The following SON variants were observed in gnomAD, a reference collection of about 807,000 sequenced individuals.
The protein encoded by SON is protein SON.
A neutral mutation model predicts 173.3 loss-of-function variants in SON; 4 were observed. The observed-to-expected ratio is 0.02, with a 90% CI of 0.01 to 0.05. The LOEUF (loss-of-function observed/expected upper bound fraction) is 0.05. Ranked by LOEUF, SON falls within the 10% of genes least tolerant of loss-of-function variation. SON has a pLI of 1.00. For missense variants in SON, 2,626 were observed against 3,055.3 expected, an observed-to-expected ratio of 0.86 and a Z score of 3.31; for synonymous variants, 1,190 against 1,105.9, an observed-to-expected ratio of 1.08 and a Z score of -1.51.
At position 33,553,804 on chromosome 21, in the gene SON, G is replaced by C; in HGVS notation, c.4573G>C (p.Glu1525Gln). Residue 1525 changes from glutamate (E) to glutamine (Q), a missense_variant, in exon 3 of 12, where the codon GAA (glutamate) becomes CAA (glutamine). Physicochemically the swap from Glu to Gln is conservative, Grantham distance 29. Coordinates refer to ENST00000356577, the MANE Select transcript of SON (RefSeq NM_138927.4). ...AEEHLKGDFYESEHGINIDLN... is the reference protein window; with the variant it reads ...AEEHLKGDFYQSEHGINIDLN... ...GGAACACCTGAAAGGTGACTTTTAC[G>C]AAAGTGAACATGGTATAAATATAGA... is the stretch of plus-strand genomic sequence containing the variant. 1.2e-6 allele frequency: 2 copies of C among 1,614,006 alleles called. No homozygotes were observed. The highest frequency in any genetic ancestry group is 1.7e-6 in the Non-Finnish European group (2 of 1,179,964).
rs143709811 is a variant in SON at position 33,551,441 on chromosome 21, C to T, written c.2210C>T (p.Ala737Val). The T allele has an allele frequency of 3.0e-5, 48 of 1,614,090 alleles. No homozygotes were observed. The African/African-American group carries it at 3.2e-4, about 11-fold the overall frequency. Residue 737 changes from alanine to valine, a missense_variant, in exon 3 of 12, where the codon GCG becomes GTG. By Grantham distance (64) the Ala-to-Val change is moderately conservative. Around this residue, in one of 13 missense-constraint regions of SON, gnomAD observed 182 missense variants for 193.6 expected, o/e 0.94. Coordinates refer to ENST00000356577, the MANE Select transcript of SON (RefSeq NM_138927.4). ...AACACCATGGACTCCCAAATGCTAG[C>T]GTCCAACACCATGGACTCCCAGATG... ...ASNTMDSQML[A>V]SNTMDSQMLA... is the part of the protein sequence containing the mutation.
intron 6 of SON, among the ~76,000 whole-genome samples, chr21:33,566,319 TAAC>T (rs750228018): frequency 6.6e-5 from 10 of 151,976 alleles, no homozygotes; most frequent in Non-Finnish European, 1.2e-4. Context: ...ACAAAAAAAA[TAAC>T]AAATACTTAT....
chr21:33,545,867 T>A (rs1469799186), intron 1 of SON, among the ~76,000 whole-genome samples: 1 of 152,234 alleles, frequency 6.6e-6, no homozygotes, highest in Non-Finnish European at 1.5e-5. Context: ...TGTTTTTCTT[T>A]TGATTTGTGA....
At chr21:33,563,419 G>A (rs1187666220) in intron 6 of SON, among the ~76,000 whole-genome samples, 1 of 95,696 alleles carries the variant, frequency 1.0e-5, no homozygotes, top group African/African-American at 2.7e-5. Flanking sequence ...TTTAATATTT[G>A]CTAAATATTC....
intron 6 of SON, among the ~76,000 whole-genome samples, chr21:33,564,814 C>CT (rs1252866364): frequency 1.4e-5 from 2 of 141,514 alleles, no homozygotes; most frequent in African/African-American, 5.4e-5. Context: ...TGAGCCAAGA[C>CT]TGTGCCATTG....
Position 33,552,813 on chromosome 21 carries a change from T to C in SON, c.3582T>C (p.Thr1194=). 1.9e-6 allele frequency: 3 copies of C among 1,613,860 alleles called. No individual in the cohort carries two copies. Among genetic ancestry groups the C allele is most frequent in the Non-Finnish European group, 1.7e-6 (2 of 1,179,938 alleles). Residue 1194 remains threonine (T), a synonymous_variant, in exon 3 of 12, where the codon ACT becomes ACC. Coordinates refer to ENST00000356577, the MANE Select transcript of SON (RefSeq NM_138927.4). This position sits in a 1 kb window ranked among gnomAD's most constrained non-coding sequence, Gnocchi z 5.6. The part of the protein sequence containing the change: ...TEQSALTAEN[T]WPTEVPSSPS... Reference sequence around the variant, plus strand: ...AGTCAGCATTAACAGCTGAAAATACTTGGCCTACAGAGGTGCCATCATCAC... The same window carrying C: ...AGTCAGCATTAACAGCTGAAAATACCTGGCCTACAGAGGTGCCATCATCAC...
Position 33,564,389 on chromosome 21 carries a change from G to T in SON, c.6658-2768G>T, listed in dbSNP as rs188193310. 3.0e-3 allele frequency among the ~76,000 whole-genome samples: 452 copies of T among 152,168 alleles called. 1 individual carries two copies. Among genetic ancestry groups the T allele is most frequent in the Non-Finnish European group, 3.2e-3 (220 of 68,008 alleles). Reference sequence around the variant, plus strand: ...TGTTTCAATACTGATAAGTAACATCGGGTTTGACCCTTAAACATTGCTGCT... The same window carrying T: ...TGTTTCAATACTGATAAGTAACATCTGGTTTGACCCTTAAACATTGCTGCT... On this transcript the variant is annotated intron_variant, in intron 6 of 11. Coordinates refer to ENST00000356577, the MANE Select transcript of SON (RefSeq NM_138927.4).
Position 33,554,914 on chromosome 21 carries a change from C to A in SON, c.5683C>A (p.Pro1895Thr). Residue 1895 changes from proline to threonine, a missense_variant, in exon 3 of 12, where the codon CCA (proline) becomes ACA (threonine). Transcript: ENST00000356577. ...ATCAAAAGAGAAGCGCAAAAGATCT[C>A]CAAAGCACAGATCCAAGTCTAGGGA... The part of the protein sequence containing the change: ...SVSKEKRKRS[P>T]KHRSKSRERK... 1.2e-6 allele frequency: 2 copies of A among 1,614,036 alleles called. No homozygotes were observed. The highest frequency in any genetic ancestry group is 1.7e-6 in the Non-Finnish European group (2 of 1,179,992).
At position 33,555,038 on chromosome 21, in the gene SON, G is replaced by A. The variant is rs555194701; in HGVS notation, c.5807G>A (p.Arg1936His). 5 of 1,612,950 alleles carry A rather than the reference G, an allele frequency of 3.1e-6. No individual in the cohort carries two copies. Among genetic ancestry groups the A allele is most frequent in the African/African-American group, 1.3e-5 (1 of 75,012 alleles). ...CGGAGTCGGAGTCATACTCCAAGTC[G>A]TCGACGAAGGTCTAGATCTGTGGGT... ...SRRSRSHTPS[R>H]RRRSRSVGRR... Residue 1936 changes from arginine (R) to histidine (H), a missense_variant, in exon 3 of 12, where the codon CGT becomes CAT. Transcript: ENST00000356577.
chr21:33,546,061 G>T, intron 1 of SON, 152 bp from the exon 2 acceptor site: 2 of 567,114 alleles, frequency 3.5e-6, no homozygotes, highest in Non-Finnish European at 5.9e-6. Flanking sequence ...AGTAGATCAT[G>T]GTAAGAAGCA....
intron 6 of SON, among the ~76,000 whole-genome samples, chr21:33,561,233 AT>A (rs1232698267): frequency 6.6e-6 from 1 of 152,190 alleles, no homozygotes; most frequent in Non-Finnish European, 1.5e-5. Flanking sequence ...TTTGGATAAT[AT>A]TTTAGTGAGA....
chr21:33,567,475 G>A, intron 7 of SON: 1 of 544,132 alleles, frequency 1.8e-6, no homozygotes, highest in Admixed American at 3.1e-5. Flanking sequence ...CTATGTGGCA[G>A]GAACTGTTTC....
Position 33,554,282 on chromosome 21 carries a change from C to G in SON, c.5051C>G (p.Pro1684Arg). 1.2e-6 allele frequency: 2 copies of G among 1,614,110 alleles called. No homozygotes were observed. Among genetic ancestry groups the G allele is most frequent in the South Asian group, 1.1e-5 (1 of 91,080 alleles). Residue 1684 changes from proline (P) to arginine (R), a missense_variant, in exon 3 of 12, where the codon CCT (proline) becomes CGT (arginine). This residue lies in a region of SON where 1,006 missense variants were observed against 895.6 expected (regional missense o/e 1.12). Coordinates refer to ENST00000356577, the MANE Select transcript of SON (RefSeq NM_138927.4). The stretch of plus-strand genomic sequence containing the variant: ...AGTAAGGATACAGAAGAACCATTAC[C>G]TGTAAAAGAGAGTGACCAGACATTA... The part of the protein sequence containing the change: ...LVSKDTEEPL[P>R]VKESDQTLAA...
chr21:33,567,781 T>C (rs1318226571), intron 7 of SON, among the ~76,000 whole-genome samples: 2 of 152,002 alleles, frequency 1.3e-5, no homozygotes, highest in South Asian at 2.1e-4. Context: ...GGTTTGGTGT[T>C]GCATGCCTGT....
Position 33,549,492 on chromosome 21 carries a change from C to A in SON, c.261C>A (p.Ser87=). 1 of 1,531,896 alleles carries A rather than the reference C, an allele frequency of 6.5e-7. No individual in the cohort carries two copies. The highest frequency in any genetic ancestry group is 1.3e-5 in the South Asian group (1 of 75,528). The allele number at this position is 1,531,896 out of a possible 1,614,324, so 94.9% of individuals were successfully genotyped here. A position where few individuals can be genotyped will look rare whatever the true frequency, so the allele number is the denominator to read the frequency against. The change falls in exon 3 of 12, where the codon TCC becomes TCA. Residue 87 remains serine, a synonymous_variant. Coordinates refer to ENST00000356577, the MANE Select transcript of SON (RefSeq NM_138927.4). ...LRYKPDLKEG[S]RKSRCVSVQT... is the part of the protein sequence containing the mutation. The stretch of plus-strand genomic sequence containing the variant: ...TACTTTTAGACTTGAAAGAGGGCTC[C>A]AGAAAAAGTAGATGCGTATCTGTAC...
chr21:33,566,910 T>C (rs1037793948), intron 6 of SON, among the ~76,000 whole-genome samples: 1 of 152,142 alleles, frequency 6.6e-6, no homozygotes, highest in Non-Finnish European at 1.5e-5. Context: ...TAATAGAAAA[T>C]TGACTAAATT....
Position 33,551,797 on chromosome 21 carries a change from T to C in SON, c.2566T>C (p.Leu856=). 1 of 1,613,560 alleles carries C rather than the reference T, an allele frequency of 6.2e-7. No individual in the cohort carries two copies. Among genetic ancestry groups the C allele is most frequent in the Non-Finnish European group, 8.5e-7 (1 of 1,180,028 alleles). ...AACCAGCACCATGGACTCCCAGATG[T>C]TAGCAACTAGCTCAATGGATTCCCA... ...LATSTMDSQM[L]ATSSMDSQML... is the part of the protein sequence containing the mutation. The change falls in exon 3 of 12, where the codon TTA becomes CTA. Residue 856 remains leucine, a synonymous_variant. Transcript: ENST00000356577.
In SON at chr21:33,567,278, G is replaced by GT. The variant is rs751799059; in HGVS notation, c.6768+17dup. 6 of 1,461,212 alleles carry GT rather than the reference G, an allele frequency of 4.1e-6. No homozygotes were observed. Among genetic ancestry groups the GT allele is most frequent in the Non-Finnish European group, 5.8e-6 (6 of 1,040,656 alleles). The allele number at this position is 1,461,212 out of a possible 1,614,324, so 90.5% of individuals were successfully genotyped here. A position where few individuals can be genotyped will look rare whatever the true frequency, so the allele number is the denominator to read the frequency against. ...AGAGCTCAGGAAAGGGTATGTAGCA[G>GT]TTTTTTAAAAAAAATTATTATTTAC... On this transcript the variant is annotated intron_variant, in intron 7 of 11. Transcript: ENST00000356577.
rs115145252 is a variant in SON at position 33,563,852 on chromosome 21, T to C, written c.6658-3305T>C. ...CCTTTGTAGGTTTTATAAGAAGTAG[T>C]TGTCTGCTTTCTTGCTGAGGGAGAG... is the stretch of plus-strand genomic sequence containing the variant. On this transcript the variant is annotated intron_variant, in intron 6 of 11. Coordinates refer to ENST00000356577, the MANE Select transcript of SON (RefSeq NM_138927.4). Among the ~76,000 whole-genome samples, 534 of 152,306 alleles carry C rather than the reference T, an allele frequency of 3.5e-3. 2 individuals are homozygous for C. Among genetic ancestry groups the C allele is most frequent in the African/African-American group, 0.012 (505 of 41,556 alleles).
Sources: allele counts gnomAD v4.1 joint callset (sites outside exome capture counted in the v4.1 genomes callset), GRCh38; gene constraint gnomAD v4.1.1; regional missense constraint gnomAD v4.1.1; non-coding constraint Gnocchi (gnomAD v3.1); transcripts MANE v1.5; gene names NCBI Gene and HGNC (gene_info 2026-07-23, HGNC 2026-07-21).